Variants in CCDC191 observed in about 807,000 individuals in gnomAD.
CCDC191 encodes the protein coiled-coil domain containing 191, also known as coiled-coil domain-containing protein 191.
CCDC191 carries 99 observed loss-of-function variants against 114.0 expected under a neutral mutation model. The observed-to-expected ratio is 0.87, with a 90% CI of 0.74 to 1.03. The LOEUF (loss-of-function observed/expected upper bound fraction) is 1.03, where lower values mean the gene tolerates loss of function less well. Among genes scored for constraint, CCDC191 ranks in the 50% least tolerant of loss-of-function variants. CCDC191 has a pLI of 0.00. For missense variants in CCDC191, 973 were observed against 1,087.0 expected (o/e 0.90, Z 1.47); for synonymous variants, 351 against 376.0 (o/e 0.93, Z 0.77).
chr3:113,973,550 A>C (rs563984317), intron 16 of CCDC191, among the ~76,000 whole-genome samples: 2 of 149,226 alleles, frequency 1.3e-5, no homozygotes, highest in African/African-American at 4.9e-5. Context: ...TCTATCCTTC[A>C]TATTTGAAAG....
At chr3:113,999,869 G>C (rs951384870) in intron 13 of CCDC191, among the ~76,000 whole-genome samples, 1 of 152,144 alleles carries the variant, frequency 6.6e-6, no homozygotes, top group Non-Finnish European at 1.5e-5. Flanking sequence ...AAGTATTTAA[G>C]TTATGGGATA....
chr3:114,056,606 C>G, upstream of CCDC191: 2 of 1,575,698 alleles, frequency 1.3e-6, no homozygotes, highest in Non-Finnish European at 8.6e-7. Flanking sequence ...CCACCACTCC[C>G]ACGAGGCTCT....
chr3:113,970,382 A>G (rs1462657872), intron 16 of CCDC191, among the ~76,000 whole-genome samples: 1 of 151,638 alleles, frequency 6.6e-6, no homozygotes. Context: ...CTGGTCTTGA[A>G]CCCTTGGCCT....
chr3:114,010,939 C>A lies in CCDC191; in HGVS notation c.1246G>T (p.Glu416Ter). 1 of 1,614,036 alleles carries A rather than the reference C, an allele frequency of 6.2e-7. No homozygotes were observed. Among genetic ancestry groups the A allele is most frequent in the Non-Finnish European group, 8.5e-7 (1 of 1,179,922 alleles). ...FTEWQHWHGAELLKRELALTK... is the reference protein window; with the variant it reads ...FTEWQHWHGA The stretch of plus-strand genomic sequence containing the variant: ...AGAGCCAGCTCTCTCTTCAGGAGCT[C>A]GGCGCCATGCCAATGCTGCCATTCT... The change falls in exon 9 of 17, where the codon GAG becomes TAG. Residue 416 changes from glutamate to a stop codon, truncating the protein, a stop_gained. Coordinates refer to ENST00000295878, the MANE Select transcript of CCDC191 (RefSeq NM_020817.2). LOFTEE classifies it high-confidence loss of function.
At position 114,056,443 on chromosome 3, in the gene CCDC191, C is replaced by G; in HGVS notation, c.24G>C (p.Arg8Ser). 1 of 1,614,178 alleles carries G rather than the reference C, an allele frequency of 6.2e-7. No individual in the cohort carries two copies. The highest frequency in any genetic ancestry group is 1.3e-5 in the African/African-American group (1 of 75,048). ...GCCCCATCCTTTTCTTTGAGAAGGA[C>G]CTTCCCTGAGGCGCCAGGAGCATTT... MLLAPQG[R>S]SFSKKRMGLN... Residue 8 changes from arginine (R) to serine (S), a missense_variant, in exon 1 of 17, where the codon AGG becomes AGC. Physicochemically the swap from Arg to Ser is moderately radical, Grantham distance 110 (BLOSUM62 -1). Coordinates refer to ENST00000295878, the MANE Select transcript of CCDC191 (RefSeq NM_020817.2).
At chr3:113,982,857 C>CA (rs55881455) in intron 13 of CCDC191, among the ~76,000 whole-genome samples, 73,977 of 136,962 alleles carry the variant, frequency 0.54, 18,731 homozygotes, top group Middle Eastern at 0.59. Context: ...AACAAAAAAA[C>CA]AAAAAAAAAA....
chr3:114,044,179 G>A (rs1462674789), intron 3 of CCDC191, among the ~76,000 whole-genome samples: 2 of 152,110 alleles, frequency 1.3e-5, no homozygotes, highest in African/African-American at 2.4e-5. Flanking sequence ...ATTACCAAAG[G>A]AGGAAGGTAG....
At chr3:113,971,616 A>G (rs1468774253) in intron 16 of CCDC191, among the ~76,000 whole-genome samples, 3 of 152,156 alleles carry the variant, frequency 2.0e-5, no homozygotes, top group African/African-American at 7.2e-5. Flanking sequence ...TGTGTTCATC[A>G]GGGATATGTA....
At chr3:113,988,218 G>A (rs914821385) in intron 13 of CCDC191, among the ~76,000 whole-genome samples, 43 of 150,108 alleles carry the variant, frequency 2.9e-4, no homozygotes, top group Non-Finnish European at 4.8e-4. Context: ...AGTTGTGGCC[G>A]GGTGCAGTGG....
chr3:113,983,365 T>C lies in CCDC191; in HGVS notation c.2164-2572A>G, dbSNP rs147778285. ...AGCTACTTCCAGACCATTATAAACATTGACTTGTTTTTCACTTGCGTACAC... is the reference window on the plus strand; with the variant it reads ...AGCTACTTCCAGACCATTATAAACACTGACTTGTTTTTCACTTGCGTACAC... On this transcript the variant is annotated intron_variant, in intron 13 of 16. Transcript: ENST00000295878. Among the ~76,000 whole-genome samples the C allele has an allele frequency of 2.5e-3, 382 of 152,308 alleles. 4 individuals carry two copies. Among genetic ancestry groups the C allele is most frequent in the African/African-American group, 8.6e-3 (358 of 41,562 alleles).
intron 13 of CCDC191, among the ~76,000 whole-genome samples, chr3:113,985,665 A>C (rs1466243139): frequency 6.6e-6 from 1 of 152,212 alleles, no homozygotes; most frequent in Non-Finnish European, 1.5e-5. Flanking sequence ...GAAAGCTGTA[A>C]ACAACAGATT....
At chr3:114,006,623 T>TATAA (rs2075975035) in intron 9 of CCDC191, among the ~76,000 whole-genome samples, 1 of 133,270 alleles carries the variant, frequency 7.5e-6, no homozygotes, top group Non-Finnish European at 1.7e-5. Context: ...TATATAAATA[T>TATAA]ATATATTTTA....
intron 2 of CCDC191, among the ~76,000 whole-genome samples, chr3:114,052,899 C>A (rs1248649770): frequency 1.3e-5 from 2 of 152,144 alleles, no homozygotes; most frequent in Non-Finnish European, 2.9e-5. Context: ...GATTTTGAAA[C>A]ATGTGGTACA....
At chr3:113,967,462 G>A (rs1322390443) in intron 16 of CCDC191, among the ~76,000 whole-genome samples, 1 of 151,330 alleles carries the variant, frequency 6.6e-6, no homozygotes, top group Non-Finnish European at 1.5e-5. Flanking sequence ...ATGATCACTG[G>A]TTTGGCACTT....
At chr3:113,971,990 T>C (rs965002774) in intron 16 of CCDC191, among the ~76,000 whole-genome samples, 75 of 152,174 alleles carry the variant, frequency 4.9e-4, no homozygotes, top group Non-Finnish European at 1.6e-4. Context: ...TAGTCTCTAG[T>C]GATTCTTTGT....
In CCDC191 at chr3:114,025,871, G is replaced by C. The variant is rs968733372; in HGVS notation, c.972+5755C>G. Among the ~76,000 whole-genome samples, 3 of 152,118 alleles carry C rather than the reference G, an allele frequency of 2.0e-5. No individual in the cohort carries two copies. The South Asian group carries it at 6.2e-4, about 31-fold the overall frequency. ...TATGCCAAGAACATAGCTTACTTCA[G>C]AATATATCAGACAAATGCTTGATTC... On this transcript the variant is annotated intron_variant, in intron 7 of 16. Transcript: ENST00000295878.
At chr3:114,025,144 T>G (rs1340391670) in intron 7 of CCDC191, among the ~76,000 whole-genome samples, 1 of 152,046 alleles carries the variant, frequency 6.6e-6, no homozygotes, top group Non-Finnish European at 1.5e-5. Context: ...ACCACTGCCA[T>G]GTGAAATGCT....
chr3:113,965,480 G>T lies in CCDC191; in HGVS notation c.2607-121C>A. 4 of 530,150 alleles carry T rather than the reference G, an allele frequency of 7.5e-6. No homozygotes were observed. In the South Asian group the frequency reaches 1.4e-4, roughly 19 times the overall value. The allele number at this position is 530,150 out of a possible 1,614,324, so 32.8% of individuals were successfully genotyped here. On this transcript the variant is annotated intron_variant, in intron 16 of 16. Transcript: ENST00000295878. ...TAATAAAATGCTGTATAAAAGGTGT[G>T]GAAATCACAATCGGGATTATGACAG...
chr3:114,046,800 C>A lies in CCDC191; in HGVS notation c.130-68G>T, dbSNP rs1577478177. 2.0e-6 allele frequency: 3 copies of A among 1,493,884 alleles called. No homozygotes were observed. The East Asian group carries it at 7.0e-5, about 35-fold the overall frequency. The allele number at this position is 1,493,884 out of a possible 1,614,324, so 92.5% of individuals were successfully genotyped here. On this transcript the variant is annotated intron_variant, in intron 2 of 16. Transcript: ENST00000295878. ...ATTTGTTCAGTTAGAGAATTTCTCT[C>A]CTACTCAAGAAACTGATTTTCTACC...
Sources: gnomAD v4.1 joint callset for allele counts (sites outside exome capture counted in the v4.1 genomes callset) on GRCh38, gnomAD v4.1.1 for gene constraint, MANE v1.5 for transcripts, NCBI Gene and HGNC (gene_info 2026-07-23, HGNC 2026-07-21) for gene names.